The following KIFAP3 variants were observed in gnomAD, a reference collection of about 807,000 sequenced individuals.
KIFAP3 encodes kinesin-associated protein 3.
Under a neutral mutation model 106.5 loss-of-function variants are expected in KIFAP3, and 68 were observed. That is an observed-to-expected ratio of 0.64 (90% CI 0.53 to 0.78). KIFAP3 has a LOEUF of 0.78. Among genes scored for constraint, KIFAP3 ranks in the 30% least tolerant of loss-of-function variants. KIFAP3 has a pLI of 0.00. For synonymous variants in KIFAP3, 320 were observed against 311.5 expected (o/e 1.03, Z -0.29); for missense variants, 780 against 941.8 (o/e 0.83, Z 2.25).
rs966027871 is a variant in KIFAP3, at chr1:170,041,745, C to T, written c.320-2457G>A. 2.6e-6 allele frequency: 4 copies of T among 1,534,514 alleles called. No homozygotes were observed. The Admixed American group carries it at 7.8e-5, about 30-fold the overall frequency. The stretch of plus-strand genomic sequence containing the variant: ...TGAAAGACTTCTCCGGTAAGTGTTG[C>T]CAAGGGCAATCGACATCCCTTTTGC... On this transcript the variant is annotated intron_variant, in intron 3 of 19. Coordinates refer to ENST00000361580, the MANE Select transcript of KIFAP3 (RefSeq NM_014970.4).
chr1:169,966,294 A>C (rs1665615559), intron 17 of KIFAP3, among the ~76,000 whole-genome samples: 1 of 151,762 alleles, frequency 6.6e-6, no homozygotes, highest in African/African-American at 2.4e-5. Flanking sequence ...TCTATACCAA[A>C]CTGTGTATTT....
At chr1:170,018,984 C>G (rs566829628) in intron 9 of KIFAP3, among the ~76,000 whole-genome samples, 1 of 152,034 alleles carries the variant, frequency 6.6e-6, no homozygotes, top group African/African-American at 2.4e-5. Flanking sequence ...ACTGATAAAC[C>G]ACTAATCTAG....
chr1:170,046,747 T>C lies in KIFAP3; in HGVS notation c.284A>G (p.Tyr95Cys). 6.3e-7 allele frequency: 1 copy of C among 1,597,632 alleles called. No homozygotes were observed. The highest frequency in any genetic ancestry group is 8.5e-7 in the Non-Finnish European group (1 of 1,171,760). The part of the protein sequence containing the change: ...KLNEVEQLLY[Y>C]LQNRRDSLSG... ...CAATGAATCACGGCGGTTCTGTAGA[T>C]AGTACAACAGCTGTTCTACCTCATT... Residue 95 changes from tyrosine to cysteine, a missense_variant, in exon 3 of 20, where the codon TAT becomes TGT. By Grantham distance (194) the Tyr-to-Cys change is radical. This residue lies in a region of KIFAP3 where 588 missense variants were observed against 678.9 expected (regional missense o/e 0.87). Coordinates refer to ENST00000361580, the MANE Select transcript of KIFAP3 (RefSeq NM_014970.4).
intron 17 of KIFAP3, among the ~76,000 whole-genome samples, chr1:169,962,505 T>C (rs2101866970): frequency 6.6e-6 from 1 of 152,302 alleles, no homozygotes; most frequent in East Asian, 1.9e-4. Flanking sequence ...TTTAAATTCC[T>C]CTGTCATATC....
intron 19 of KIFAP3, among the ~76,000 whole-genome samples, chr1:169,944,919 T>A (rs1414695047): frequency 6.6e-6 from 1 of 152,028 alleles, no homozygotes; most frequent in Non-Finnish European, 1.5e-5. Context: ...GGTGGGAGAC[T>A]CCACCTGGAA....
intron 8 of KIFAP3, among the ~76,000 whole-genome samples, chr1:170,025,691 C>T (rs193028303): frequency 3.3e-5 from 5 of 152,104 alleles, no homozygotes; most frequent in African/African-American, 1.2e-4. Context: ...AACAACTTTC[C>T]CTACCATACA....
chr1:169,949,599 T>A lies in KIFAP3; in HGVS notation c.2273+4412A>T, dbSNP rs537334489. On this transcript the variant is annotated intron_variant, in intron 19 of 19. Transcript: ENST00000361580. ...AAAAGTAAAAGTTATAATAAAAAAA[T>A]GGTCCAAAAATATGGTGCAGATACA... Among the ~76,000 whole-genome samples, 7 of 152,138 alleles carry A rather than the reference T, an allele frequency of 4.6e-5. No homozygotes were observed. The South Asian group carries it at 1.2e-3, about 27-fold the overall frequency.
At chr1:169,954,648 A>T (rs1664910468) in intron 18 of KIFAP3, among the ~76,000 whole-genome samples, 2 of 152,164 alleles carry the variant, frequency 1.3e-5, no homozygotes, top group Admixed American at 1.3e-4. Context: ...AGACATTAAA[A>T]CACACACACA....
intron 4 of KIFAP3, 42 bp from the exon 5 acceptor site, chr1:170,038,473 C>G (rs2102061738): frequency 6.4e-7 from 1 of 1,573,818 alleles, no homozygotes; most frequent in Non-Finnish European, 8.6e-7. Context: ...CAATGCTCAA[C>G]AGATCCACTG....
intron 19 of KIFAP3, among the ~76,000 whole-genome samples, chr1:169,945,195 C>G (rs1421088504): frequency 6.6e-6 from 1 of 152,158 alleles, no homozygotes; most frequent in African/African-American, 2.4e-5. Flanking sequence ...GCACACCCAG[C>G]CAGGTCATGA....
chr1:170,053,037 G>C (rs527846781), intron 2 of KIFAP3, among the ~76,000 whole-genome samples: 1 of 152,112 alleles, frequency 6.6e-6, no homozygotes, highest in Non-Finnish European at 1.5e-5. Context: ...CAAATAGAAA[G>C]TGAAGAAGTC....
intron 10 of KIFAP3, among the ~76,000 whole-genome samples, chr1:170,000,595 T>C (rs554435613): frequency 9.9e-5 from 15 of 152,258 alleles, no homozygotes; most frequent in Admixed American, 3.3e-4. Flanking sequence ...TAAAAACACA[T>C]TGAAGCTATA....
At chr1:170,002,339 T>C (rs1667705135) in intron 10 of KIFAP3, among the ~76,000 whole-genome samples, 1 of 152,174 alleles carries the variant, frequency 6.6e-6, no homozygotes, top group South Asian at 2.1e-4. Flanking sequence ...TTTATATCAA[T>C]ATGGAACACC....
chr1:169,966,622 G>A (rs1315239784), intron 17 of KIFAP3, among the ~76,000 whole-genome samples: 1 of 151,736 alleles, frequency 6.6e-6, no homozygotes, highest in African/African-American at 2.4e-5. Flanking sequence ...GAAAATTACA[G>A]GAAAAATGCC....
At chr1:170,040,357 A>G (rs1571714931) in intron 3 of KIFAP3, among the ~76,000 whole-genome samples, 1 of 152,176 alleles carries the variant, frequency 6.6e-6, no homozygotes, top group African/African-American at 2.4e-5. Context: ...AGCATTTCCT[A>G]TATCTTCAAT....
At chr1:170,080,602 C>T (rs1222713770) in intron 1 of KIFAP3, among the ~76,000 whole-genome samples, 1 of 152,092 alleles carries the variant, frequency 6.6e-6, no homozygotes, top group African/African-American at 2.4e-5. Context: ...AAGAGAATGA[C>T]TCACTTATGG....
intron 19 of KIFAP3, among the ~76,000 whole-genome samples, chr1:169,927,395 G>A (rs1424981277): frequency 6.6e-6 from 1 of 152,024 alleles, no homozygotes; most frequent in Non-Finnish European, 1.5e-5. Flanking sequence ...GAAAAGAGGG[G>A]GGATAAATAT....
intron 8 of KIFAP3, among the ~76,000 whole-genome samples, chr1:170,028,945 A>C (rs1418085944): frequency 6.6e-6 from 1 of 152,156 alleles, no homozygotes; most frequent in African/African-American, 2.4e-5. Flanking sequence ...AAAAAGGAGG[A>C]AGAAGACACA....
intron 1 of KIFAP3, among the ~76,000 whole-genome samples, chr1:170,072,509 A>G (rs1295571484): frequency 1.1e-4 from 17 of 152,212 alleles, no homozygotes; most frequent in Admixed American, 1.1e-3. Context: ...ATGAGGAATT[A>G]GCGGGGCAAA....
Sources: allele counts gnomAD v4.1 joint callset (sites outside exome capture counted in the v4.1 genomes callset), GRCh38; gene constraint gnomAD v4.1.1; regional missense constraint gnomAD v4.1.1; transcripts MANE v1.5; gene names NCBI Gene and HGNC (gene_info 2026-07-23, HGNC 2026-07-21).